The following AGAP3 variants were observed in gnomAD, a reference collection of about 807,000 sequenced individuals.
AGAP3 encodes ArfGAP with GTPase domain, ankyrin repeat and PH domain 3.
Under a neutral mutation model 96.9 loss-of-function variants are expected in AGAP3, and 24 were observed. The ratio of observed to expected loss-of-function variants is 0.25; its 90% CI spans 0.18 to 0.35. AGAP3 has a LOEUF of 0.35. Ranked by LOEUF, AGAP3 falls within the 10% of genes least tolerant of loss-of-function variation. AGAP3 has a pLI of 1.00. For missense variants in AGAP3, 876 were observed against 1,254.2 expected (o/e 0.70, Z 4.55); for synonymous variants, 563 against 536.1 (o/e 1.05, Z -0.69).
intron 1 of AGAP3, among the ~76,000 whole-genome samples, chr7:151,097,801 G>T (rs1199190523): frequency 6.6e-6 from 1 of 152,074 alleles, no homozygotes; most frequent in Non-Finnish European, 1.5e-5. Context: ...TAACACTGGG[G>T]ATCACATTTC....
chr7:151,132,110 C>T (rs535997385), intron 10 of AGAP3, among the ~76,000 whole-genome samples: 9 of 152,280 alleles, frequency 5.9e-5, no homozygotes, highest in South Asian at 2.1e-4. Flanking sequence ...AGAGGGCCGG[C>T]GGGGCCAGTG....
At chr7:151,126,558 G>A (rs1277012698) in intron 9 of AGAP3, among the ~76,000 whole-genome samples, 2 of 152,006 alleles carry the variant, frequency 1.3e-5, no homozygotes, top group Non-Finnish European at 2.9e-5. Context: ...TTGTGTGCTG[G>A]GGGCGGGGCG....
intron 10 of AGAP3, among the ~76,000 whole-genome samples, chr7:151,132,702 G>A (rs1800446655): frequency 6.6e-6 from 1 of 152,234 alleles, no homozygotes; most frequent in Admixed American, 6.5e-5. Flanking sequence ...GTGACGTCCA[G>A]CCCAGCCACA....
intron 1 of AGAP3, among the ~76,000 whole-genome samples, chr7:151,094,134 G>T (rs1301188417): frequency 6.6e-6 from 1 of 152,152 alleles, no homozygotes; most frequent in Non-Finnish European, 1.5e-5. Context: ...AAGCTCTGCC[G>T]CTTGGTAGTG....
chr7:151,135,947 C>G (rs938747343), intron 11 of AGAP3, among the ~76,000 whole-genome samples: 7 of 152,082 alleles, frequency 4.6e-5, no homozygotes, highest in African/African-American at 1.4e-4. Flanking sequence ...AGAAAGGAAG[C>G]CTGTGAGGTG....
At position 151,142,631 on chromosome 7, in the gene AGAP3, G is replaced by A. The variant is rs765817424; in HGVS notation, c.2270G>A (p.Cys757Tyr). 6.2e-6 allele frequency: 10 copies of A among 1,611,772 alleles called. No homozygotes were observed. In the South Asian group the frequency reaches 1.1e-4, roughly 18 times the overall value. ...GGYSKPGPDACREEKERWIRA... is the reference protein window; with the variant it reads ...GGYSKPGPDAYREEKERWIRA... Reference sequence around the variant, plus strand: ...TACTCCAAGCCAGGGCCTGATGCCTGCAGGTGAGCAGATGGTGCCCTGGAG... The same window carrying A: ...TACTCCAAGCCAGGGCCTGATGCCTACAGGTGAGCAGATGGTGCCCTGGAG... Residue 757 changes from cysteine to tyrosine, a missense_variant, in exon 16 of 18, where the codon TGC (cysteine) becomes TAC (tyrosine). By Grantham distance (194) the Cys-to-Tyr change is radical (BLOSUM62 -2). Coordinates refer to ENST00000397238, the MANE Select transcript of AGAP3 (RefSeq NM_031946.7). The surrounding 1 kb of genome is among the most constrained non-coding windows in gnomAD (Gnocchi z 7.5).
chr7:151,113,770 A>G (rs1036540908), intron 1 of AGAP3, among the ~76,000 whole-genome samples: 5 of 152,340 alleles, frequency 3.3e-5, no homozygotes, highest in Middle Eastern at 3.4e-3. Flanking sequence ...TGCAGTGTCA[A>G]TCACAGCCGG....
In AGAP3 at chr7:151,118,552, G is replaced by A. The variant is rs1361764019; in HGVS notation, c.889G>A (p.Gly297Arg). The change falls in exon 7 of 18, where the codon GGG becomes AGG. Residue 297 changes from glycine (G) to arginine (R), a missense_variant. Gly to Arg is a moderately radical substitution (Grantham distance 125, BLOSUM62 -2). Transcript: ENST00000397238. The surrounding 1 kb of genome is among the most constrained non-coding windows in gnomAD (Gnocchi z 6.1). ...GCGAAAGAAGCAGCAACTGGCCATC[G>A]GGCCCTGCAAGTCACTGCCCAACTC... Reference protein sequence around the residue: ...ALRKKQQLAIGPCKSLPNSPS... With the variant: ...ALRKKQQLAIRPCKSLPNSPS... 2 of 1,614,004 alleles carry A rather than the reference G, an allele frequency of 1.2e-6. No homozygotes were observed. Among genetic ancestry groups the A allele is most frequent in the Non-Finnish European group, 8.5e-7 (1 of 1,180,042 alleles).
intron 1 of AGAP3, among the ~76,000 whole-genome samples, chr7:151,112,396 C>T (rs1346768387): frequency 3.1e-4 from 43 of 139,950 alleles, no homozygotes; most frequent in Admixed American, 2.7e-3. Context: ...TTCCCCGAGA[C>T]GTGTGTGTGT....
chr7:151,123,442 TTGTCGCGCCCTGTGC>T, intron 8 of AGAP3: 1 of 1,129,906 alleles, frequency 8.9e-7, no homozygotes, highest in Non-Finnish European at 1.1e-6. Flanking sequence ...GCGCTCCCGG[TTGTCGCGCCCTGTGC>T]TCCCGACCAG....
intron 1 of AGAP3, among the ~76,000 whole-genome samples, chr7:151,093,011 C>T (rs1253659820): frequency 2.0e-5 from 3 of 152,132 alleles, no homozygotes; most frequent in Admixed American, 2.0e-4. Flanking sequence ...GTCTTCAATC[C>T]CCAACTGAAT....
intron 1 of AGAP3, chr7:151,116,468 G>A: frequency 2.4e-6 from 1 of 409,336 alleles, no homozygotes; most frequent in South Asian, 3.5e-5. Context: ...GGGCCACAGG[G>A]GCACTAGGCC....
chr7:151,132,388 C>G (rs559715854), intron 10 of AGAP3, among the ~76,000 whole-genome samples: 40 of 152,348 alleles, frequency 2.6e-4, no homozygotes, highest in African/African-American at 9.4e-4. Flanking sequence ...GCACTTGGTA[C>G]TGTCCCTCAC....
chr7:151,113,105 C>T (rs559755083), intron 1 of AGAP3, among the ~76,000 whole-genome samples: 86 of 152,324 alleles, frequency 5.6e-4, no homozygotes, highest in Non-Finnish European at 1.0e-3. Context: ...GCAGAACAGC[C>T]ATTCCCTGTT....
At chr7:151,122,519 G>GCCTCCT (rs1275053159) in intron 8 of AGAP3, among the ~76,000 whole-genome samples, 51 of 151,330 alleles carry the variant, frequency 3.4e-4, no homozygotes, top group Non-Finnish European at 1.0e-4. Flanking sequence ...CGCCGCCGCC[G>GCCTCCT]CCTCCTCCTC....
intron 8 of AGAP3, among the ~76,000 whole-genome samples, chr7:151,122,088 C>T (rs1161948225): frequency 6.6e-6 from 1 of 152,220 alleles, no homozygotes; most frequent in Non-Finnish European, 1.5e-5. Context: ...TGGTCGGGGC[C>T]TCTTGGCTCA....
chr7:151,125,587 A>G (rs2150500468), intron 9 of AGAP3, among the ~76,000 whole-genome samples: 2 of 152,302 alleles, frequency 1.3e-5, no homozygotes, highest in South Asian at 4.1e-4. Flanking sequence ...CCGTTCTGTA[A>G]CGATCGCTCG....
At chr7:151,116,944 C>A in intron 2 of AGAP3, 93 bp downstream of exon 2, 1 of 1,555,580 alleles carries the variant, frequency 6.4e-7, no homozygotes, top group Non-Finnish European at 8.9e-7. Flanking sequence ...CGGCTTCTGT[C>A]CCCTTCTCTG....
intron 1 of AGAP3, chr7:151,115,572 C>G (rs1379211753): frequency 8.7e-7 from 1 of 1,144,074 alleles, no homozygotes. Flanking sequence ...CCGGAGGGAG[C>G]CCGCGCCCGC....
Sources: gnomAD v4.1 joint callset for allele counts (sites outside exome capture counted in the v4.1 genomes callset) on GRCh38, gnomAD v4.1.1 for gene constraint, Gnocchi (gnomAD v3.1) non-coding constraint, MANE v1.5 for transcripts, NCBI Gene and HGNC (gene_info 2026-07-23, HGNC 2026-07-21) for gene names.